The following SDK2 variants were observed in gnomAD, a reference collection of about 807,000 sequenced individuals.
The protein encoded by SDK2 is sidekick cell adhesion molecule 2.
A neutral mutation model predicts 253.9 loss-of-function variants in SDK2; 105 were observed. The ratio of observed to expected loss-of-function variants is 0.41; its 90% CI spans 0.35 to 0.49. The LOEUF is 0.49. SDK2 is among the 20% of genes least tolerant of loss of function. The probability of loss-of-function intolerance (pLI) is 0.06; values close to 1 mark genes in which losing one functional copy is unlikely to be tolerated. For missense variants in SDK2, 2,608 were observed against 3,003.0 expected (o/e 0.87, Z 3.07); for synonymous variants, 1,249 against 1,234.9 (o/e 1.01, Z -0.24).
chr17:73,353,465 G>A (rs2062557052), intron 40 of SDK2, among the ~76,000 whole-genome samples: 1 of 152,156 alleles, frequency 6.6e-6, no homozygotes, highest in Admixed American at 6.5e-5. Flanking sequence ...TTGTTGCCCA[G>A]GCTGGAGTGC....
intron 40 of SDK2, among the ~76,000 whole-genome samples, chr17:73,356,629 C>T (rs563179940): frequency 6.6e-6 from 1 of 152,144 alleles, no homozygotes; most frequent in African/African-American, 2.4e-5. Context: ...AGATGCTCAC[C>T]CCATAACAGC....
Position 73,588,670 on chromosome 17 carries a change from AGTGCTCAGGACAGCCTCCTGCG to A in SDK2, c.64+55333_64+55354del, listed in dbSNP as rs541181657. ...CCAGGGATCCTATGAAATACCCCGCAGTGCTCAGGACAGCCTCCTGCGGTGCTCAGGACAGCCTCCCCTCTAA... is the reference window on the plus strand; with the variant it reads ...CCAGGGATCCTATGAAATACCCCGCAGTGCTCAGGACAGCCTCCCCTCTAA... On this transcript the variant is annotated intron_variant, in intron 1 of 44. Transcript: ENST00000392650. Among the ~76,000 whole-genome samples the A allele has an allele frequency of 1.9e-3, 283 of 152,266 alleles. 2 individuals are homozygous for A. Among genetic ancestry groups the A allele is most frequent in the African/African-American group, 5.4e-3 (225 of 41,554 alleles).
chr17:73,508,048 G>A (rs1248526534), intron 1 of SDK2, among the ~76,000 whole-genome samples: 3 of 152,254 alleles, frequency 2.0e-5, no homozygotes, highest in Non-Finnish European at 1.5e-5. Context: ...GGTCTCCTGA[G>A]TCCTGCTCCC....
intron 30 of SDK2, 114 bp downstream of exon 30, chr17:73,387,722 G>C (rs1330965510): frequency 2.1e-6 from 2 of 946,622 alleles, no homozygotes; most frequent in East Asian, 5.4e-5. Context: ...TGTAGGAGGA[G>C]AGCTGGGGGC....
chr17:73,423,823 G>T, intron 13 of SDK2, 93 bp downstream of exon 13: 1 of 1,017,070 alleles, frequency 9.8e-7, no homozygotes, highest in Non-Finnish European at 1.4e-6. Context: ...CACGTGGCCT[G>T]GGGATCTGAA....
In SDK2 at chr17:73,379,984, G is replaced by T. The variant is rs149870531; in HGVS notation, c.4763-435C>A. Among the ~76,000 whole-genome samples the T allele has an allele frequency of 3.3e-5, 5 of 152,228 alleles. No individual in the cohort carries two copies. The highest frequency in any genetic ancestry group is 4.2e-4 in the South Asian group (2 of 4,808). On this transcript the variant is annotated intron_variant, in intron 34 of 44. Transcript: ENST00000392650. The surrounding 1 kb of genome is among the most constrained non-coding windows in gnomAD (Gnocchi z 4.5). Reference sequence around the variant, plus strand: ...TTTACACAGCGGGGCTCAGCTCCAGGGGGGAGGGGCGCATTGGATGTGAAT... The same window carrying T: ...TTTACACAGCGGGGCTCAGCTCCAGTGGGGAGGGGCGCATTGGATGTGAAT...
chr17:73,350,878 A>T, intron 41 of SDK2, 88 bp from the exon 42 acceptor site: 1 of 1,388,572 alleles, frequency 7.2e-7, no homozygotes, highest in Non-Finnish European at 9.8e-7. Flanking sequence ...ACTAACTGCT[A>T]CAATCTATGG....
Position 73,465,560 on chromosome 17 carries a change from A to C in SDK2, c.331+6552T>G, listed in dbSNP as rs2063591145. ...GAATGCTGGAAATTTATGGTGACTT[A>C]AAAAAACACAAAGAAGAGACTCCAA... On this transcript the variant is annotated intron_variant, in intron 3 of 44. Coordinates refer to ENST00000392650, the MANE Select transcript of SDK2 (RefSeq NM_001144952.2). This position sits in a 1 kb window ranked among gnomAD's most constrained non-coding sequence, Gnocchi z 4.2. Among the ~76,000 whole-genome samples the C allele has an allele frequency of 6.6e-6, 1 of 152,142 alleles. No homozygotes were observed. Among genetic ancestry groups the C allele is most frequent in the Non-Finnish European group, 1.5e-5 (1 of 68,032 alleles).
rs563224079 is a variant in SDK2, at chr17:73,367,915, C to T, written c.5167+492G>A. ...CTCACTCTTAGGTCACCTGTGCTGA[C>T]CCCCGTCTGCATTTACTTCATCAAC... is the stretch of plus-strand genomic sequence containing the variant. On this transcript the variant is annotated intron_variant, in intron 37 of 44. Transcript: ENST00000392650. Among the ~76,000 whole-genome samples, 8 of 152,322 alleles carry T rather than the reference C, an allele frequency of 5.3e-5. No homozygotes were observed. In the South Asian group the frequency reaches 1.7e-3, roughly 32 times the overall value.
intron 2 of SDK2, among the ~76,000 whole-genome samples, chr17:73,478,567 G>A (rs190502245): frequency 4.6e-5 from 7 of 152,200 alleles, no homozygotes; most frequent in Non-Finnish European, 1.5e-5. Context: ...TGAGCTCAGG[G>A]TGGAGGGCGC....
chr17:73,377,555 T>C (rs1042145496), intron 36 of SDK2, among the ~76,000 whole-genome samples: 3 of 151,000 alleles, frequency 2.0e-5, no homozygotes, highest in Admixed American at 6.6e-5. Context: ...CTAGTGCTCA[T>C]GTGGTTGGTT....
chr17:73,387,311 A>G (rs567743132), intron 30 of SDK2, among the ~76,000 whole-genome samples: 1 of 152,294 alleles, frequency 6.6e-6, no homozygotes, highest in East Asian at 1.9e-4. Context: ...CTCAAGAGTT[A>G]AGCAGTACTT....
Position 73,424,032 on chromosome 17 carries a change from C to T in SDK2, c.1644G>A (p.Leu548=), listed in dbSNP as rs373457426. The change falls in exon 13 of 45, where the codon CTG becomes CTA. Residue 548 remains leucine, a synonymous_variant. Transcript: ENST00000392650. ...LGTESHPRIR[L]DRNGSLHISQ... ...AGATGTGCAGGGAGCCGTTTCTGTC[C>T]AGGCGGATACGAGGATGGCTCTCCG... The T allele has an allele frequency of 1.5e-5, 24 of 1,612,660 alleles. No homozygotes were observed. The African/African-American group carries it at 2.9e-4, about 20-fold the overall frequency.
At chr17:73,399,338 C>T (rs2063001886) in intron 21 of SDK2, 49 bp from the exon 22 acceptor site, 1 of 1,608,838 alleles carries the variant, frequency 6.2e-7, no homozygotes, top group African/African-American at 1.3e-5. Flanking sequence ...AGAATGGCCC[C>T]CCATGTTGAA....
chr17:73,542,252 G>T (rs1002635587), intron 1 of SDK2, among the ~76,000 whole-genome samples: 1 of 152,220 alleles, frequency 6.6e-6, no homozygotes, highest in Non-Finnish European at 1.5e-5. Flanking sequence ...GGACCAGCAT[G>T]GCTGGGAGAA....
At position 73,495,638 on chromosome 17, in the gene SDK2, GTGTGTGTT is replaced by G. The variant is rs754117306; in HGVS notation, c.224+11792_224+11799del. Among the ~76,000 whole-genome samples the G allele has an allele frequency of 7.8e-3, 1,183 of 151,998 alleles. 11 individuals are homozygous for G. The highest frequency in any genetic ancestry group is 0.072 in the Middle Eastern group (21 of 290). On this transcript the variant is annotated intron_variant, in intron 2 of 44. Coordinates refer to ENST00000392650, the MANE Select transcript of SDK2 (RefSeq NM_001144952.2). ...CTGCCCCGTGTGTGTGTGTGTGTGT[GTGTGTGTT>G]TGTTTGTGTATGTGTGTGTGTGCAT...
chr17:73,453,896 C>T (rs1022956446), intron 4 of SDK2, among the ~76,000 whole-genome samples: 2 of 152,182 alleles, frequency 1.3e-5, no homozygotes, highest in African/African-American at 4.8e-5. Context: ...CAGTCAAAAA[C>T]AGACCACATA....
chr17:73,420,104 A>G (rs1037141170), intron 15 of SDK2, among the ~76,000 whole-genome samples: 10 of 152,194 alleles, frequency 6.6e-5, no homozygotes, highest in African/African-American at 1.4e-4. Flanking sequence ...CAGGGCGGGC[A>G]TGGCGTGTGA....
intron 38 of SDK2, among the ~76,000 whole-genome samples, chr17:73,362,594 T>C (rs1413594206): frequency 6.6e-6 from 1 of 152,238 alleles, no homozygotes; most frequent in African/African-American, 2.4e-5. Flanking sequence ...TCTCATTATG[T>C]TGCCCAGGCT....
Sources: gnomAD v4.1 joint callset for allele counts (sites outside exome capture counted in the v4.1 genomes callset) on GRCh38, gnomAD v4.1.1 for gene constraint, Gnocchi (gnomAD v3.1) non-coding constraint, MANE v1.5 for transcripts, NCBI Gene and HGNC (gene_info 2026-07-23, HGNC 2026-07-21) for gene names.